Variants in SLC35B1 observed in about 807,000 individuals in gnomAD.
The protein encoded by SLC35B1 is ATP/ADP exchanger ER.
SLC35B1 carries 27 observed loss-of-function variants against 36.6 expected under a neutral mutation model. That is an observed-to-expected ratio of 0.74 (90% CI 0.54 to 1.02). SLC35B1 has a LOEUF of 1.02. Among genes scored for constraint, SLC35B1 ranks in the 50% least tolerant of loss-of-function variants. The pLI is 0.00. For synonymous variants in SLC35B1, 162 were observed against 152.5 expected (o/e 1.06, Z -0.46); for missense variants, 321 against 383.2 (o/e 0.84, Z 1.35).
Position 49,705,912 on chromosome 17 carries a change from G to C in SLC35B1, c.340-16C>G. On this transcript the variant is annotated splice_polypyrimidine_tract_variant and intron_variant, in intron 3 of 8. Coordinates refer to ENST00000240333, the MANE Select transcript of SLC35B1 (RefSeq NM_005827.4). The stretch of plus-strand genomic sequence containing the variant: ...TACCAAGGACCTGAAATTAAATCCA[G>C]CAAATAATTTCTGAGCATCTGTGAT... 1 of 1,613,648 alleles carries C rather than the reference G, an allele frequency of 6.2e-7. No individual in the cohort carries two copies. The highest frequency in any genetic ancestry group is 8.5e-7 in the Non-Finnish European group (1 of 1,179,590).
chr17:49,704,156 C>T lies in SLC35B1; in HGVS notation c.599G>A (p.Gly200Asp), dbSNP rs1012559715. The stretch of plus-strand genomic sequence containing the variant: ...GATGTTCAGCATCATGTGGTTGGAG[C>T]CTGTTTGGTAATGAGCCCGCATGTG... ...QDHMRAHYQT[G>D]SNHMMLNINL... Residue 200 changes from glycine (G) to aspartate (D), a missense_variant, in exon 6 of 9, where the codon GGC (glycine) becomes GAC (aspartate). Coordinates refer to ENST00000240333, the MANE Select transcript of SLC35B1 (RefSeq NM_005827.4). 12 of 1,614,012 alleles carry T rather than the reference C, an allele frequency of 7.4e-6. No homozygotes were observed. In the African/African-American group the frequency reaches 1.1e-4, roughly 14 times the overall value.
At chr17:49,703,451 A>G in intron 6 of SLC35B1, 157 bp from the exon 7 acceptor site, 2 of 603,388 alleles carry the variant, frequency 3.3e-6, no homozygotes, top group Non-Finnish European at 6.0e-6. Flanking sequence ...GTGGGTTTGC[A>G]TCGTCTCATC....
intron 2 of SLC35B1, 27 bp from the exon 3 acceptor site, chr17:49,706,361 A>AG: frequency 3.2e-6 from 4 of 1,253,680 alleles, no homozygotes; most frequent in East Asian, 3.0e-5. Flanking sequence ...AAAAAAAAAA[A>AG]AAAAGAAAAG....
chr17:49,705,295 A>G lies in SLC35B1; in HGVS notation c.371-14T>C, dbSNP rs188408250. 212 of 1,613,324 alleles carry G rather than the reference A, an allele frequency of 1.3e-4. 1 individual carries two copies. The East Asian group carries it at 3.1e-3, about 24-fold the overall frequency. On this transcript the variant is annotated splice_polypyrimidine_tract_variant and intron_variant, in intron 4 of 8. Coordinates refer to ENST00000240333, the MANE Select transcript of SLC35B1 (RefSeq NM_005827.4). ...CAAGGAGCATGACTACAGGGAAAAA[A>G]CAGAGTGGAAAATTCAGGCATCCAT...
At chr17:49,705,790 G>A in intron 4 of SLC35B1, 76 bp downstream of exon 4, 2 of 1,417,252 alleles carry the variant, frequency 1.4e-6, no homozygotes, top group Non-Finnish European at 2.0e-6. Context: ...AGCCGAGAGG[G>A]ACACAGTTGT....
chr17:49,706,248 C>T lies in SLC35B1; in HGVS notation c.295G>A (p.Val99Ile). ...AACTGTAGTGCTGAATTGCTGGAGACCATGGCACCCAGATAGGAGATAGAA... is the reference window on the plus strand; with the variant it reads ...AACTGTAGTGCTGAATTGCTGGAGATCATGGCACCCAGATAGGAGATAGAA... ...ACSISYLGAMVSSNSALQFVN... is the reference protein window; with the variant it reads ...ACSISYLGAMISSNSALQFVN... Residue 99 changes from valine (V) to isoleucine (I), a missense_variant, in exon 3 of 9, where the codon GTC becomes ATC. By Grantham distance (29) the Val-to-Ile change is conservative. Transcript: ENST00000240333. The T allele has an allele frequency of 6.2e-7, 1 of 1,607,674 alleles. No homozygotes were observed. The highest frequency in any genetic ancestry group is 2.2e-5 in the East Asian group (1 of 44,674).
chr17:49,704,059 C>T, intron 6 of SLC35B1, 41 bp downstream of exon 6: 1 of 1,613,124 alleles, frequency 6.2e-7, no homozygotes, highest in Non-Finnish European at 8.5e-7. Context: ...GCAGCCTGCC[C>T]TCTGGTGATA....
intron 1 of SLC35B1, 118 bp downstream of exon 1, chr17:49,707,612 T>C: frequency 1.4e-6 from 2 of 1,454,032 alleles, no homozygotes; most frequent in Non-Finnish European, 1.9e-6. Context: ...AGTAGGGTGC[T>C]AAGAGGGCGA....
At position 49,707,886 on chromosome 17, in the gene SLC35B1, AGCG is replaced by A; in HGVS notation, c.-56_-54del. 1 of 1,604,208 alleles carries A rather than the reference AGCG, an allele frequency of 6.2e-7. No homozygotes were observed. On this transcript the variant is annotated 5_prime_UTR_variant, in exon 1 of 9. Coordinates refer to ENST00000240333, the MANE Select transcript of SLC35B1 (RefSeq NM_005827.4). Reference sequence around the variant, plus strand: ...CCCGCTCACAACCGGCACCGGCAGCAGCGGCGGCGGAGGCGACAGCTCCAGCCG... The same window carrying A: ...CCCGCTCACAACCGGCACCGGCAGCAGCGGCGGAGGCGACAGCTCCAGCCG...
chr17:49,704,126 A>C lies in SLC35B1; in HGVS notation c.629T>G (p.Leu210Arg). 1 of 1,614,178 alleles carries C rather than the reference A, an allele frequency of 6.2e-7. No homozygotes were observed. Among genetic ancestry groups the C allele is most frequent in the Non-Finnish European group, 8.5e-7 (1 of 1,180,018 alleles). The change falls in exon 6 of 9, where the codon CTT (leucine) becomes CGT (arginine). Residue 210 changes from leucine (L) to arginine (R), a missense_variant. By Grantham distance (102) the Leu-to-Arg change is moderately radical. Coordinates refer to ENST00000240333, the MANE Select transcript of SLC35B1 (RefSeq NM_005827.4). ...CATTCCCAGCAGCAATGTCGACCAAAGGTTGATGTTCAGCATCATGTGGTT... is the reference window on the plus strand; with the variant it reads ...CATTCCCAGCAGCAATGTCGACCAACGGTTGATGTTCAGCATCATGTGGTT... ...GSNHMMLNIN[L>R]WSTLLLGMGI...
chr17:49,704,285 A>G (rs2073388145), intron 5 of SLC35B1, 59 bp from the exon 6 acceptor site: 2 of 1,591,244 alleles, frequency 1.3e-6, no homozygotes, highest in Middle Eastern at 2.3e-4. Flanking sequence ...TTCCAAACCC[A>G]GGACACAGGA....
intron 1 of SLC35B1, 39 bp from the exon 2 acceptor site, chr17:49,707,107 T>C: frequency 6.6e-7 from 1 of 1,522,886 alleles, no homozygotes; most frequent in Non-Finnish European, 9.1e-7. Flanking sequence ...GAGAAATTAG[T>C]GTATTTCACT....
chr17:49,701,357 G>A lies in SLC35B1; in HGVS notation c.*101C>T, dbSNP rs1473682377. 1.2e-6 allele frequency: 1 copy of A among 864,548 alleles called. No homozygotes were observed. The highest frequency in any genetic ancestry group is 1.7e-5 in the African/African-American group (1 of 59,068). 53.6% of individuals were successfully genotyped at this position (864,548 alleles called of 1,614,324 possible). A position where few individuals can be genotyped will look rare whatever the true frequency, so the allele number is the denominator to read the frequency against. The stretch of plus-strand genomic sequence containing the variant: ...GATTTTATTTTATTAAAAAAGACTG[G>A]AACTCAGTCCCATATTCCTATTAAG... On this transcript the variant is annotated 3_prime_UTR_variant, in exon 9 of 9. Transcript: ENST00000240333.
In SLC35B1 at chr17:49,707,897, A is replaced by AGGC; in HGVS notation, c.-67_-65dup. The AGGC allele has an allele frequency of 1.3e-6, 2 of 1,597,804 alleles. No homozygotes were observed. The highest frequency in any genetic ancestry group is 1.7e-6 in the Non-Finnish European group (2 of 1,173,016). ...CCGGCACCGGCAGCAGCGGCGGCGG[A>AGGC]GGCGACAGCTCCAGCCGGACATCGC... On this transcript the variant is annotated 5_prime_UTR_variant, in exon 1 of 9. Transcript: ENST00000240333.
intron 8 of SLC35B1, chr17:49,701,775 A>AT (rs2073353638): frequency 2.6e-6 from 1 of 388,456 alleles, no homozygotes; most frequent in African/African-American, 2.0e-5. Context: ...AGCAAGACTA[A>AT]AAGAAATTTA....
chr17:49,705,783 C>T (rs1472879152), intron 4 of SLC35B1, 83 bp downstream of exon 4: 15 of 1,368,430 alleles, frequency 1.1e-5, no homozygotes, highest in South Asian at 3.5e-5. Flanking sequence ...ATGATGAAGC[C>T]GAGAGGGACA....
chr17:49,707,427 A>G, intron 1 of SLC35B1: 1 of 1,449,564 alleles, frequency 6.9e-7, no homozygotes, highest in Non-Finnish European at 9.1e-7. Flanking sequence ...GAGTACCAAA[A>G]GGGGGCCGAC....
intron 4 of SLC35B1, chr17:49,705,495 G>C (rs1187200820): frequency 1.7e-6 from 1 of 596,236 alleles, no homozygotes; most frequent in Non-Finnish European, 2.9e-6. Context: ...AGAGAACAAA[G>C]GTGAAAAGTC....
chr17:49,703,340 A>T, intron 6 of SLC35B1, 46 bp from the exon 7 acceptor site: 6 of 1,026,128 alleles, frequency 5.8e-6, no homozygotes, highest in South Asian at 1.3e-5. Context: ...TGTGCACACA[A>T]AATGTGCGCA....
Sources: allele counts gnomAD v4.1 joint callset, GRCh38; gene constraint gnomAD v4.1.1; transcripts MANE v1.5; gene names NCBI Gene and HGNC (gene_info 2026-07-23, HGNC 2026-07-21).